PSD3: variants seen among roughly 807,000 people sequenced by gnomAD.
The protein encoded by PSD3 is PH and SEC7 domain-containing protein 3.
Under a neutral mutation model 105.5 loss-of-function variants are expected in PSD3, and 49 were observed. That is an observed-to-expected ratio of 0.46 (90% CI 0.37 to 0.59). The LOEUF (loss-of-function observed/expected upper bound fraction) is 0.59. Among genes scored for constraint, PSD3 ranks in the 20% least tolerant of loss-of-function variants. The pLI is 0.00. For missense variants in PSD3, 1,561 were observed against 1,263.8 expected (o/e 1.24, Z -3.57); for synonymous variants, 557 against 457.8 (o/e 1.22, Z -2.77).
At chr8:18,851,832 G>A (rs1416485978) in intron 4 of PSD3, among the ~76,000 whole-genome samples, 2 of 152,212 alleles carry the variant, frequency 1.3e-5, no homozygotes, top group African/African-American at 2.4e-5. Flanking sequence ...ACTAGAAACT[G>A]ACAGTGGAGA....
intron 11 of PSD3, among the ~76,000 whole-genome samples, chr8:18,623,154 G>C (rs1026646622): frequency 6.6e-6 from 1 of 151,922 alleles, no homozygotes; most frequent in Non-Finnish European, 1.5e-5. Context: ...CAAAATGCTG[G>C]GATTACAGGC....
At chr8:18,696,617 G>A (rs780270449) in intron 9 of PSD3, among the ~76,000 whole-genome samples, 1 of 152,114 alleles carries the variant, frequency 6.6e-6, no homozygotes, top group African/African-American at 2.4e-5. Context: ...GAATTACAAA[G>A]GTCTTAGTAC....
chr8:18,829,859 T>C (rs1047645689), intron 4 of PSD3, among the ~76,000 whole-genome samples: 2 of 152,122 alleles, frequency 1.3e-5, no homozygotes, highest in African/African-American at 4.8e-5. Flanking sequence ...AGACAACCGT[T>C]TCACAGGGCC....
intron 10 of PSD3, among the ~76,000 whole-genome samples, chr8:18,645,002 A>G (rs1413061021): frequency 2.6e-5 from 4 of 152,216 alleles, no homozygotes. Flanking sequence ...CTAGTAAGGC[A>G]GAAGGTCAAG....
chr8:18,582,186 G>A (rs546874857), intron 12 of PSD3, among the ~76,000 whole-genome samples: 53 of 152,130 alleles, frequency 3.5e-4, no homozygotes, highest in Non-Finnish European at 4.3e-4. Context: ...AAACTTCTGG[G>A]TGAGCTTCTC....
intron 1 of PSD3, among the ~76,000 whole-genome samples, chr8:19,084,017 C>T (rs1392524227): frequency 1.3e-5 from 2 of 152,140 alleles, no homozygotes; most frequent in African/African-American, 2.4e-5. Context: ...TTCTGGTGGC[C>T]TGGAAGGTGG....
At position 18,909,029 on chromosome 8, in the gene PSD3, A is replaced by G. The variant is rs998493190; in HGVS notation, c.130+27005T>C. Among the ~76,000 whole-genome samples, 5 of 152,242 alleles carry G rather than the reference A, an allele frequency of 3.3e-5. No individual in the cohort carries two copies. In the East Asian group the frequency reaches 9.7e-4, roughly 29 times the overall value. On this transcript the variant is annotated intron_variant, in intron 2 of 15. Coordinates refer to ENST00000327040, the MANE Select transcript of PSD3 (RefSeq NM_015310.4). ...ACTTTAATTCTACTCATTTTAACCA[A>G]CTCAAAGTTTACTATGACAAAGTTC...
At chr8:18,622,098 T>G (rs1294189432) in intron 11 of PSD3, among the ~76,000 whole-genome samples, 2 of 152,170 alleles carry the variant, frequency 1.3e-5, no homozygotes, top group African/African-American at 4.8e-5. Flanking sequence ...TCCACAGTAT[T>G]TACAATGAGA....
chr8:18,685,963 T>C (rs1800640684), intron 9 of PSD3, among the ~76,000 whole-genome samples: 1 of 152,188 alleles, frequency 6.6e-6, no homozygotes, highest in Non-Finnish European at 1.5e-5. Context: ...GTCATCATAA[T>C]GAGGAGTTAT....
At position 18,771,157 on chromosome 8, in the gene PSD3, C is replaced by G. The variant is rs115431941; in HGVS notation, c.2083-5619G>C. Reference sequence around the variant, plus strand: ...GCTGAGGCTGGGGCTTTTATGGGCACAGGAATGGGGGGCAGAGCAGGCCAT... The same window carrying G: ...GCTGAGGCTGGGGCTTTTATGGGCAGAGGAATGGGGGGCAGAGCAGGCCAT... On this transcript the variant is annotated intron_variant, in intron 8 of 15. Coordinates refer to ENST00000327040, the MANE Select transcript of PSD3 (RefSeq NM_015310.4). 8.9e-3 allele frequency among the ~76,000 whole-genome samples: 1,360 copies of G among 152,170 alleles called. 19 individuals carry two copies. The highest frequency in any genetic ancestry group is 0.028 in the African/African-American group (1,157 of 41,500).
At chr8:18,600,863 T>C (rs943973287) in intron 11 of PSD3, among the ~76,000 whole-genome samples, 3 of 152,188 alleles carry the variant, frequency 2.0e-5, no homozygotes, top group Admixed American at 6.5e-5. Flanking sequence ...TCAGAGACTC[T>C]AGAAATCACG....
chr8:18,804,595 A>G lies in PSD3; in HGVS notation c.1837T>C (p.Phe613Leu), dbSNP rs1468535735. 7 of 1,613,142 alleles carry G rather than the reference A, an allele frequency of 4.3e-6. No individual in the cohort carries two copies. The highest frequency in any genetic ancestry group is 5.9e-6 in the Non-Finnish European group (7 of 1,179,258). ...VAKHLGKNNE[F>L]SKLVAEEYLK... ...TATTCTTCTGCAACTAGTTTGCTAAATTCGTTGCTATAAGAAAACAGAATA... is the reference window on the plus strand; with the variant it reads ...TATTCTTCTGCAACTAGTTTGCTAAGTTCGTTGCTATAAGAAAACAGAATA... The change falls in exon 6 of 16, where the codon TTT becomes CTT. Residue 613 changes from phenylalanine to leucine, a missense_variant. Phe to Leu is a conservative substitution (Grantham distance 22). Transcript: ENST00000327040.
chr8:18,886,928 T>C (rs1818484331), intron 2 of PSD3: 2 of 152,190 alleles, frequency 1.3e-5, no homozygotes, highest in African/African-American at 4.8e-5. Context: ...TCTACCTTGG[T>C]AGCTTACCGA....
rs1829443587 is a variant in PSD3, at chr8:19,075,670, C to CAGAT, written c.324+8532_324+8535dup. On this transcript the variant is annotated intron_variant, in intron 1 of 1. Coordinates refer to the PSD3 transcript ENST00000521475. ...ACTTTTTTCCTTAAATTACGATGTG[C>CAGAT]AGATAGTAACTTGGACAGTAATTAC... 3.3e-5 allele frequency among the ~76,000 whole-genome samples: 5 copies of CAGAT among 152,134 alleles called. No individual in the cohort carries two copies. The South Asian group carries it at 1.0e-3, about 32-fold the overall frequency.
chr8:18,861,957 C>A (rs1414940482), intron 4 of PSD3, among the ~76,000 whole-genome samples: 2 of 152,092 alleles, frequency 1.3e-5, no homozygotes, highest in African/African-American at 4.8e-5. Flanking sequence ...TTTATTCCAC[C>A]TACCACAGTG....
At chr8:18,871,500 A>C in intron 3 of PSD3, 126 bp downstream of exon 3, 1 of 1,252,030 alleles carries the variant, frequency 8.0e-7, no homozygotes. Flanking sequence ...ACAGTAACTC[A>C]TCTTATATTC....
intron 9 of PSD3, among the ~76,000 whole-genome samples, chr8:18,683,078 T>C (rs192234329): frequency 4.6e-5 from 7 of 152,346 alleles, no homozygotes; most frequent in Admixed American, 6.5e-5. Context: ...CAAGAATATG[T>C]TGCATGTAGT....
chr8:18,862,762 A>G (rs1441512770), intron 4 of PSD3, among the ~76,000 whole-genome samples: 1 of 152,038 alleles, frequency 6.6e-6, no homozygotes, highest in East Asian at 1.9e-4. Flanking sequence ...ACAAATTTCT[A>G]CTTCTTATTT....
intron 11 of PSD3, among the ~76,000 whole-genome samples, chr8:18,608,665 G>T (rs1246875005): frequency 1.3e-5 from 2 of 152,110 alleles, no homozygotes; most frequent in Non-Finnish European, 2.9e-5. Flanking sequence ...GCTTAACGGG[G>T]AATGAAAAGA....
Sources: allele counts gnomAD v4.1 joint callset (sites outside exome capture counted in the v4.1 genomes callset), GRCh38; gene constraint gnomAD v4.1.1; transcripts MANE v1.5; gene names NCBI Gene and HGNC (gene_info 2026-07-23, HGNC 2026-07-21).